The following VWA5A variants were observed in gnomAD, a reference collection of about 807,000 sequenced individuals.
VWA5A encodes von Willebrand factor A domain-containing protein 5A.
In VWA5A, 77 loss-of-function variants were observed where a neutral mutation model predicts 84.6. That is an observed-to-expected ratio of 0.91 (90% CI 0.76 to 1.10). The LOEUF (loss-of-function observed/expected upper bound fraction) is 1.10. VWA5A is among the 50% of genes least tolerant of loss of function. The pLI is 0.00. For missense variants in VWA5A, 973 were observed against 963.0 expected, an observed-to-expected ratio of 1.01 and a Z score of -0.14; for synonymous variants, 334 against 350.1, an observed-to-expected ratio of 0.95 and a Z score of 0.51.
intron 11 of VWA5A, among the ~76,000 whole-genome samples, chr11:124,131,506 A>G (rs986814630): frequency 6.6e-6 from 1 of 152,074 alleles, no homozygotes; most frequent in Non-Finnish European, 1.5e-5. Flanking sequence ...ATATTTTATA[A>G]TTCTCTGTGT....
In VWA5A at chr11:124,145,272, C is replaced by T. The variant is rs1308965528; in HGVS notation, c.2190C>T (p.Ala730=). Reference sequence around the variant, plus strand: ...CCTCAGGCTGGGCCACCATCCTGGCCGTGATCTGGCTGCACAGCAATGGTA... The same window carrying T: ...CCTCAGGCTGGGCCACCATCCTGGCTGTGATCTGGCTGCACAGCAATGGTA... ...VDSSGWATIL[A]VIWLHSNGKD... is the part of the protein sequence containing the mutation. Residue 730 remains alanine (A), a synonymous_variant, in exon 18 of 19, where the codon GCC becomes GCT. Transcript: ENST00000456829. The T allele has an allele frequency of 6.8e-6, 11 of 1,613,724 alleles. No individual in the cohort carries two copies. Among genetic ancestry groups the T allele is most frequent in the African/African-American group, 5.3e-5 (4 of 75,002 alleles).
intron 4 of VWA5A, 152 bp from the exon 5 acceptor site, chr11:124,118,037 A>T: frequency 7.7e-7 from 1 of 1,291,122 alleles, no homozygotes; most frequent in Non-Finnish European, 1.1e-6. Context: ...TTCTAAAATC[A>T]TTTGGGGAAA....
At chr11:124,139,721 G>C (rs1444207035) in intron 15 of VWA5A, among the ~76,000 whole-genome samples, 1 of 151,150 alleles carries the variant, frequency 6.6e-6, no homozygotes, top group African/African-American at 2.4e-5. Context: ...GGTTTTCTAT[G>C]TTTAAGATCA....
intron 11 of VWA5A, among the ~76,000 whole-genome samples, chr11:124,132,784 T>C (rs192036858): frequency 1.4e-4 from 21 of 152,298 alleles, no homozygotes; most frequent in Admixed American, 1.2e-3. Flanking sequence ...TTATTTTCTT[T>C]CTTTTACATT....
At position 124,136,265 on chromosome 11, in the gene VWA5A, G is replaced by T. The variant is rs2276054; in HGVS notation, c.1496G>T (p.Ser499Ile). The T allele has an allele frequency of 0.11, 179,877 of 1,613,346 alleles. 10,827 individuals are homozygous for T. The highest frequency in any genetic ancestry group is 0.18 in the African/African-American group (13,447 of 74,958). The change falls in exon 13 of 19, where the codon AGC becomes ATC. Residue 499 changes from serine (S) to isoleucine (I), a missense_variant. Ser to Ile is a moderately radical substitution (Grantham distance 142, BLOSUM62 -2). Coordinates refer to ENST00000456829, the MANE Select transcript of VWA5A (RefSeq NM_001130142.2). ...ATCTTTAGGGGTCAGAGATTAATCAGCTATGCCCAGCTGACCGGGAGGATG... is the reference window on the plus strand; with the variant it reads ...ATCTTTAGGGGTCAGAGATTAATCATCTATGCCCAGCTGACCGGGAGGATG... ...TVIFRGQRLI[S>I]YAQLTGRMPA...
Position 124,118,637 on chromosome 11 carries a change from A to G in VWA5A, c.574A>G (p.Ile192Val), listed in dbSNP as rs903023259. 3 of 1,614,032 alleles carry G rather than the reference A, an allele frequency of 1.9e-6. No homozygotes were observed. Among genetic ancestry groups the G allele is most frequent in the Admixed American group, 1.7e-5 (1 of 60,004 alleles). Residue 192 changes from isoleucine to valine, a missense_variant, in exon 6 of 19, where the codon ATT (isoleucine) becomes GTT (valine). Ile to Val is a conservative substitution (Grantham distance 29). Transcript: ENST00000456829. ...MVATIDSQHG[I>V]EKVQSNCPLS... ...CGCCACCATAGATTCCCAGCATGGC[A>G]TTGAGAAGGTCCAATCCAACTGCCC...
intron 16 of VWA5A, 118 bp from the exon 17 acceptor site, chr11:124,142,324 T>C: frequency 7.3e-7 from 1 of 1,370,484 alleles, no homozygotes; most frequent in Non-Finnish European, 9.9e-7. Context: ...CTGATGACTT[T>C]CTTTCTATTG....
intron 11 of VWA5A, among the ~76,000 whole-genome samples, chr11:124,127,616 A>C (rs1339431786): frequency 6.6e-6 from 1 of 152,142 alleles, no homozygotes; most frequent in Admixed American, 6.5e-5. Flanking sequence ...GGTTGAACTA[A>C]TTTACACTCC....
intron 11 of VWA5A, among the ~76,000 whole-genome samples, chr11:124,132,400 A>G (rs1469166593): frequency 6.6e-6 from 1 of 152,102 alleles, no homozygotes; most frequent in African/African-American, 2.4e-5. Context: ...TTTCTTTCAT[A>G]AATATTTATT....
intron 11 of VWA5A, among the ~76,000 whole-genome samples, chr11:124,128,624 T>C (rs1234013973): frequency 6.6e-6 from 1 of 152,198 alleles, no homozygotes; most frequent in Non-Finnish European, 1.5e-5. Context: ...GCATGGAATG[T>C]TTTTCTATTT....
chr11:124,117,679 T>C lies in VWA5A; in HGVS notation c.50T>C (p.Leu17Pro). Residue 17 changes from leucine (L) to proline (P), a missense_variant, in exon 4 of 19, where the codon CTG (leucine) becomes CCG (proline). Leu to Pro is a moderately conservative substitution (Grantham distance 98). Transcript: ENST00000456829. ...LLTLHREPVP[L>P]KSISVSVNIY... is the part of the protein sequence containing the mutation. Reference sequence around the variant, plus strand: ...AACTCTGGTCTATCTCCAGTGCCGCTGAAGAGTATCTCTGTGAGCGTGAAC... The same window carrying C: ...AACTCTGGTCTATCTCCAGTGCCGCCGAAGAGTATCTCTGTGAGCGTGAAC... 1.2e-6 allele frequency: 2 copies of C among 1,614,228 alleles called. No homozygotes were observed. The highest frequency in any genetic ancestry group is 1.3e-5 in the African/African-American group (1 of 75,070).
rs1860822470 is a variant in VWA5A, at chr11:124,146,356, A to G, written c.*411A>G. ...TGTCTGTTCACTTTCTATCTTATAT[A>G]CTTATCAGGGCCATACTGGTAAGCT... On this transcript the variant is annotated 3_prime_UTR_variant, in exon 19 of 19. Coordinates refer to ENST00000456829, the MANE Select transcript of VWA5A (RefSeq NM_001130142.2). 1.1e-5 allele frequency: 2 copies of G among 177,234 alleles called. No individual in the cohort carries two copies. The highest frequency in any genetic ancestry group is 1.3e-4 in the South Asian group (1 of 7,834). The allele number at this position is 177,234 out of a possible 1,614,324, so 11.0% of individuals were successfully genotyped here.
intron 17 of VWA5A, among the ~76,000 whole-genome samples, chr11:124,142,860 G>A (rs1264430059): frequency 4.6e-5 from 7 of 152,156 alleles, no homozygotes; most frequent in Non-Finnish European, 7.3e-5. Flanking sequence ...AATCATCTTG[G>A]TTATGTAACT....
Position 124,117,562 on chromosome 11 carries a change from T to A in VWA5A, c.43+8T>A. The A allele has an allele frequency of 6.2e-7, 1 of 1,614,246 alleles. No individual in the cohort carries two copies. The highest frequency in any genetic ancestry group is 8.5e-7 in the Non-Finnish European group (1 of 1,180,042). On this transcript the variant is annotated splice_region_variant and intron_variant, in intron 3 of 18. Coordinates refer to ENST00000456829, the MANE Select transcript of VWA5A (RefSeq NM_001130142.2). The stretch of plus-strand genomic sequence containing the variant: ...CCCTCCACCGGGAGCCAGGTAAGCC[T>A]AATTTGTGACTCTTACTTGCCATTG...
chr11:124,142,783 T>G (rs141990853), intron 17 of VWA5A, among the ~76,000 whole-genome samples: 27 of 151,514 alleles, frequency 1.8e-4, no homozygotes, highest in Admixed American at 1.2e-3. Flanking sequence ...ATTGATGGGG[T>G]TTTTTTTGCT....
Position 124,123,649 on chromosome 11 carries a change from G to T in VWA5A, c.1020-11G>T, listed in dbSNP as rs1337535157. 6.2e-7 allele frequency: 1 copy of T among 1,614,138 alleles called. No individual in the cohort carries two copies. The highest frequency in any genetic ancestry group is 1.1e-5 in the South Asian group (1 of 91,084). ...AACCCTCATGTAACTGGGTGTGTTTGTTTTTCTCAGGGAGAGTGTGAAGTA... is the reference window on the plus strand; with the variant it reads ...AACCCTCATGTAACTGGGTGTGTTTTTTTTTCTCAGGGAGAGTGTGAAGTA... On this transcript the variant is annotated splice_polypyrimidine_tract_variant and intron_variant, in intron 9 of 18. Transcript: ENST00000456829.
At chr11:124,120,639 G>C (rs948088719) in intron 7 of VWA5A, among the ~76,000 whole-genome samples, 1 of 152,124 alleles carries the variant, frequency 6.6e-6, no homozygotes, top group Non-Finnish European at 1.5e-5. Flanking sequence ...TCATTCAAGG[G>C]GCTCCCAGCT....
intron 8 of VWA5A, 83 bp downstream of exon 8, chr11:124,123,212 C>T (rs1173317289): frequency 3.2e-6 from 5 of 1,543,362 alleles, no homozygotes; most frequent in Non-Finnish European, 4.4e-6. Flanking sequence ...CTATCTGGAG[C>T]CTGAGAGAGC....
In VWA5A at chr11:124,124,272, G is replaced by T; in HGVS notation, c.1200G>T (p.Thr400=). 6.2e-7 allele frequency: 1 copy of T among 1,613,930 alleles called. No individual in the cohort carries two copies. Among genetic ancestry groups the T allele is most frequent in the Non-Finnish European group, 8.5e-7 (1 of 1,179,972 alleles). The change falls in exon 11 of 19, where the codon ACG becomes ACT. Residue 400 remains threonine (T), a synonymous_variant. Coordinates refer to ENST00000456829, the MANE Select transcript of VWA5A (RefSeq NM_001130142.2). ...FVFTDGEVTD[T]FSVIKEVRIN... is the part of the protein sequence containing the mutation. Reference sequence around the variant, plus strand: ...TTACAGATGGAGAAGTTACAGACACGTTTAGTGTAATTAAAGAAGTTAGGA... The same window carrying T: ...TTACAGATGGAGAAGTTACAGACACTTTTAGTGTAATTAAAGAAGTTAGGA...
Sources: gnomAD v4.1 joint callset for allele counts (sites outside exome capture counted in the v4.1 genomes callset) on GRCh38, gnomAD v4.1.1 for gene constraint, MANE v1.5 for transcripts, NCBI Gene and HGNC (gene_info 2026-07-23, HGNC 2026-07-21) for gene names.